The following MED13 variants were observed in gnomAD, a reference collection of about 807,000 sequenced individuals.
MED13 encodes the protein mediator of RNA polymerase II transcription subunit 13.
In MED13, 23 loss-of-function variants were observed where a neutral mutation model predicts 225.2. The ratio of observed to expected loss-of-function variants is 0.10; its 90% CI spans 0.07 to 0.14. The LOEUF (loss-of-function observed/expected upper bound fraction) is 0.14. MED13 is among the 10% of genes least tolerant of loss of function. MED13 has a pLI of 1.00. For missense variants in MED13, 2,197 were observed against 2,594.5 expected (o/e 0.85, Z 3.33); for synonymous variants, 942 against 889.2 (o/e 1.06, Z -1.06).
chr17:61,981,570 AG>A (rs1247713730), intron 16 of MED13, among the ~76,000 whole-genome samples: 6 of 152,314 alleles, frequency 3.9e-5, no homozygotes, highest in African/African-American at 1.4e-4. Flanking sequence ...ATACTCCCTC[AG>A]GGTCTTTGCA....
intron 3 of MED13, among the ~76,000 whole-genome samples, chr17:62,048,931 A>G (rs1296645999): frequency 3.3e-5 from 5 of 152,176 alleles, no homozygotes; most frequent in Admixed American, 3.3e-4. Flanking sequence ...ACTATCAATT[A>G]TAAGGATAGA....
intron 3 of MED13, among the ~76,000 whole-genome samples, chr17:62,051,399 C>T (rs1481542153): frequency 1.3e-5 from 2 of 152,130 alleles, no homozygotes; most frequent in Admixed American, 6.5e-5. Context: ...AACAGCTATA[C>T]CAGTACTAAA....
At chr17:61,970,337 C>T (rs950237070) in intron 17 of MED13, among the ~76,000 whole-genome samples, 2 of 152,108 alleles carry the variant, frequency 1.3e-5, no homozygotes, top group African/African-American at 4.8e-5. Context: ...CAGCATCCTA[C>T]TAGGCAAGGC....
chr17:62,023,159 C>T (rs535269976), intron 8 of MED13, among the ~76,000 whole-genome samples: 1 of 152,068 alleles, frequency 6.6e-6, no homozygotes, highest in Non-Finnish European at 1.5e-5. Flanking sequence ...TATTCATATA[C>T]TTTAAATTTC....
At chr17:62,017,345 ATGAT>A (rs1434961059) in intron 8 of MED13, among the ~76,000 whole-genome samples, 5 of 152,116 alleles carry the variant, frequency 3.3e-5, no homozygotes, top group African/African-American at 1.2e-4. Context: ...GGCATAATAA[ATGAT>A]TAATTCAATT....
rs78820065 is a variant in MED13 at position 61,948,776 on chromosome 17, G to A, written c.6292-1759C>T. On this transcript the variant is annotated intron_variant, in intron 28 of 29. Transcript: ENST00000397786. Reference sequence around the variant, plus strand: ...GTGGATTAAAAACAGTCAACTTCCGGTGGTTTTACATAAGAATAAGTGAGT... The same window carrying A: ...GTGGATTAAAAACAGTCAACTTCCGATGGTTTTACATAAGAATAAGTGAGT... Among the ~76,000 whole-genome samples the A allele has an allele frequency of 1.3e-3, 197 of 151,462 alleles. 5 individuals are homozygous for A. In the East Asian group the frequency reaches 0.035, roughly 27 times the overall value.
intron 29 of MED13, 74 bp downstream of exon 29, chr17:61,946,843 A>AAAAATAT: frequency 7.1e-7 from 1 of 1,406,822 alleles, no homozygotes; most frequent in Non-Finnish European, 1.0e-6. Context: ...CAAAAATGAG[A>AAAAATAT]AAAATATATA....
intron 17 of MED13, among the ~76,000 whole-genome samples, chr17:61,968,797 A>G (rs2143390287): frequency 6.6e-6 from 1 of 152,260 alleles, no homozygotes; most frequent in East Asian, 1.9e-4. Flanking sequence ...TATTGCCCAG[A>G]TTAGACTGCA....
At position 62,010,551 on chromosome 17, in the gene MED13, C is replaced by T; in HGVS notation, c.1966G>A (p.Glu656Lys). 3 of 1,449,296 alleles carry T rather than the reference C, an allele frequency of 2.1e-6. No individual in the cohort carries two copies. The highest frequency in any genetic ancestry group is 2.7e-6 in the Non-Finnish European group (3 of 1,097,052). The allele number at this position is 1,449,296 out of a possible 1,614,324, so 89.8% of individuals were successfully genotyped here. Residue 656 changes from glutamate to lysine, a missense_variant and splice_region_variant, in exon 9 of 30, where the codon GAG becomes AAG. Transcript: ENST00000397786. The stretch of plus-strand genomic sequence containing the variant: ...GTGACTATTAAAAAAAATACATACT[C>T]TGTAACTGATGTTACACTTTCCTGT... ...FGQESVTSVTELMVQCKKPLK... is the reference protein window; with the variant it reads ...FGQESVTSVTKLMVQCKKPLK...
chr17:62,053,839 T>C (rs1477930277), intron 2 of MED13, among the ~76,000 whole-genome samples: 1 of 152,222 alleles, frequency 6.6e-6, no homozygotes, highest in Admixed American at 6.5e-5. Flanking sequence ...ATGGTTTATA[T>C]GCACAATTTA....
rs2079827051 is a variant in MED13 at position 61,943,120 on chromosome 17, A to G, written c.*3348T>C. On this transcript the variant is annotated 3_prime_UTR_variant, in exon 30 of 30. Transcript: ENST00000397786. Reference sequence around the variant, plus strand: ...CCAAAAAAGACCCCCCAAAAAGTTAAGATTTCCAGCTTATTTCTGGAGGGG... The same window carrying G: ...CCAAAAAAGACCCCCCAAAAAGTTAGGATTTCCAGCTTATTTCTGGAGGGG... The G allele has an allele frequency of 6.6e-6, 1 of 152,580 alleles. No homozygotes were observed. Among genetic ancestry groups the G allele is most frequent in the Non-Finnish European group, 1.5e-5 (1 of 68,008 alleles). 9.5% of individuals were successfully genotyped at this position (152,580 alleles called of 1,614,324 possible).
intron 11 of MED13, among the ~76,000 whole-genome samples, chr17:61,990,589 CTA>C (rs150828631): frequency 2.0e-3 from 287 of 143,030 alleles, no homozygotes; most frequent in Middle Eastern, 0.011. Context: ...TAGGGTCTCA[CTA>C]TATATATATA....
At position 62,009,479 on chromosome 17, in the gene MED13, G is replaced by A. The variant is rs548139382; in HGVS notation, c.1967+1071C>T. Among the ~76,000 whole-genome samples the A allele has an allele frequency of 2.6e-5, 4 of 152,336 alleles. No individual in the cohort carries two copies. The South Asian group carries it at 8.3e-4, about 32-fold the overall frequency. ...ATACACCCAAAACATTTTAAATGATGCTCAATCTCACTAGAAATCTGGAAG... is the reference window on the plus strand; with the variant it reads ...ATACACCCAAAACATTTTAAATGATACTCAATCTCACTAGAAATCTGGAAG... On this transcript the variant is annotated intron_variant, in intron 9 of 29. Transcript: ENST00000397786.
At position 62,052,614 on chromosome 17, in the gene MED13, T is replaced by C. The variant is rs769796184; in HGVS notation, c.393A>G (p.Leu131=). ...KAVHNLLERC[L]MNRNFVRIGK... ...CAATACGTACAAAATTCCTGTTCAT[T>C]AAACACCGTTCCAATAGATTGTGAA... is the stretch of plus-strand genomic sequence containing the variant. Residue 131 remains leucine, a synonymous_variant, in exon 3 of 30, where the codon TTA becomes TTG. Transcript: ENST00000397786. 6.9e-6 allele frequency: 11 copies of C among 1,605,396 alleles called. No individual in the cohort carries two copies. In the East Asian group the frequency reaches 2.2e-4, roughly 33 times the overall value.
At chr17:62,046,156 T>A (rs899092680) in intron 3 of MED13, among the ~76,000 whole-genome samples, 1 of 152,214 alleles carries the variant, frequency 6.6e-6, no homozygotes, top group Non-Finnish European at 1.5e-5. Flanking sequence ...CATTAATTTA[T>A]AATCAATCTT....
chr17:62,040,632 T>A (rs1730278423), intron 3 of MED13, among the ~76,000 whole-genome samples: 1 of 152,198 alleles, frequency 6.6e-6, no homozygotes, highest in Non-Finnish European at 1.5e-5. Context: ...ACAAAGAGGT[T>A]AAATGGCTTG....
At chr17:61,981,807 A>G (rs1253013628) in intron 16 of MED13, among the ~76,000 whole-genome samples, 2 of 152,204 alleles carry the variant, frequency 1.3e-5, no homozygotes, top group Non-Finnish European at 2.9e-5. Context: ...TAAATTATAG[A>G]TTCAAAAAGG....
intron 16 of MED13, among the ~76,000 whole-genome samples, chr17:61,974,361 G>A (rs546736535): frequency 1.3e-5 from 2 of 152,212 alleles, no homozygotes; most frequent in East Asian, 1.9e-4. Flanking sequence ...CCATGATAGC[G>A]TAACACTGCA....
chr17:61,961,866 A>G (rs965981272), intron 21 of MED13, 87 bp from the exon 22 acceptor site: 48 of 1,249,166 alleles, frequency 3.8e-5, no homozygotes, highest in South Asian at 3.6e-4. Flanking sequence ...AAAACTTTTT[A>G]CTAGAAAATT....
Sources: allele counts gnomAD v4.1 joint callset (sites outside exome capture counted in the v4.1 genomes callset), GRCh38; gene constraint gnomAD v4.1.1; transcripts MANE v1.5; gene names NCBI Gene and HGNC (gene_info 2026-07-23, HGNC 2026-07-21).